Variants in CFAP144 observed in about 807,000 individuals in gnomAD.
CFAP144 encodes the protein cilia and flagella associated protein 144.
chr1:43,147,869 C>G, the CFAP144 span: 1 of 1,567,538 alleles, frequency 6.4e-7, no homozygotes, highest in Non-Finnish European at 8.6e-7. Context: ...GACCACGGGA[C>G]GCCGTTGCCT....
chr1:43,154,466 A>T, the CFAP144 span, among the ~76,000 whole-genome samples: 1 of 150,650 alleles, frequency 6.6e-6, no homozygotes, highest in African/African-American at 2.5e-5. Flanking sequence ...ACAAGGACGG[A>T]CTTGGTACAA....
At chr1:43,149,267 C>T in the CFAP144 span, among the ~76,000 whole-genome samples, 1 of 152,166 alleles carries the variant, frequency 6.6e-6, no homozygotes, top group Non-Finnish European at 1.5e-5. Flanking sequence ...TGCCATACTC[C>T]TCTCCCCCAC....
At chr1:43,152,944 C>G in the CFAP144 span, 13 of 1,606,512 alleles carry the variant, frequency 8.1e-6, no homozygotes, top group Non-Finnish European at 1.1e-5. Context: ...AAGCGTGGCT[C>G]CTTCCTCAGG....
chr1:43,144,778 C>T, the CFAP144 span, among the ~76,000 whole-genome samples: 1 of 152,154 alleles, frequency 6.6e-6, no homozygotes, highest in Non-Finnish European at 1.5e-5. Context: ...TTCCCCCGCT[C>T]CTCCTCCTAG....
the CFAP144 span, among the ~76,000 whole-genome samples, chr1:43,146,656 C>G: frequency 6.6e-6 from 1 of 152,126 alleles, no homozygotes; most frequent in Non-Finnish European, 1.5e-5. Flanking sequence ...GATAAACAAT[C>G]CAATTAAAAA....
chr1:43,152,894 C>T, the CFAP144 span: 3 of 1,613,558 alleles, frequency 1.9e-6, no homozygotes, highest in Non-Finnish European at 2.5e-6. Flanking sequence ...GAGACACAGA[C>T]TGAAAACCAG....
the CFAP144 span, chr1:43,145,062 A>G: frequency 3.4e-6 from 2 of 579,906 alleles, no homozygotes; most frequent in Admixed American, 2.9e-5. Flanking sequence ...TACTATTTCT[A>G]TTTTGTCTCC....
the CFAP144 span, among the ~76,000 whole-genome samples, chr1:43,143,057 G>A: frequency 6.6e-6 from 1 of 151,954 alleles, no homozygotes; most frequent in African/African-American, 2.4e-5. Context: ...TTGCCACCCA[G>A]CTAATAAGTA....
chr1:43,152,758 A>G, the CFAP144 span: 2 of 1,451,160 alleles, frequency 1.4e-6, no homozygotes, highest in Non-Finnish European at 1.8e-6. Context: ...ATGTGGACGC[A>G]GGAAAGGGCA....
At chr1:43,144,967 C>T in the CFAP144 span, among the ~76,000 whole-genome samples, 1 of 152,316 alleles carries the variant, frequency 6.6e-6, no homozygotes, top group African/African-American at 2.4e-5. Flanking sequence ...GGTGGACACA[C>T]GGAATGCAAG....
At chr1:43,143,341 A>G in the CFAP144 span, among the ~76,000 whole-genome samples, 5 of 152,250 alleles carry the variant, frequency 3.3e-5, no homozygotes, top group East Asian at 1.9e-4. Context: ...CTGTCCGTAA[A>G]GAAGCAGTCT....
chr1:43,148,144 G>T, the CFAP144 span: 3 of 1,566,280 alleles, frequency 1.9e-6, no homozygotes, highest in Middle Eastern at 3.5e-4. Context: ...GGAAGGAGGA[G>T]CCCTCCGGGT....
chr1:43,145,625 C>T, the CFAP144 span, among the ~76,000 whole-genome samples: 3 of 152,172 alleles, frequency 2.0e-5, no homozygotes, highest in African/African-American at 7.2e-5. Context: ...CAGATCCTGA[C>T]CAGATGATAG....
At chr1:43,146,620 T>C in the CFAP144 span, among the ~76,000 whole-genome samples, 2 of 152,176 alleles carry the variant, frequency 1.3e-5, no homozygotes, top group Non-Finnish European at 1.5e-5. Flanking sequence ...GCCCTCAAAA[T>C]AATATATTAA....
the CFAP144 span, chr1:43,148,201 C>A: frequency 3.8e-6 from 4 of 1,042,214 alleles, no homozygotes; most frequent in Admixed American, 2.8e-5. Flanking sequence ...CCCCAGCACC[C>A]GCCCCCTTTC....
At chr1:43,148,326 T>C in the CFAP144 span, among the ~76,000 whole-genome samples, 1 of 152,218 alleles carries the variant, frequency 6.6e-6, no homozygotes, top group Admixed American at 6.5e-5. Context: ...AAAAAAGTTG[T>C]AGGGCTTTTT....
the CFAP144 span, among the ~76,000 whole-genome samples, chr1:43,154,074 A>G: frequency 0.036 from 4,333 of 121,236 alleles, 209 homozygotes; most frequent in African/African-American, 0.13. Context: ...ATATATATAT[A>G]TATATATATA....
chr1:43,150,551 T>G, the CFAP144 span, among the ~76,000 whole-genome samples: 1 of 152,260 alleles, frequency 6.6e-6, no homozygotes, highest in Non-Finnish European at 1.5e-5. Context: ...ATGTGGCTGA[T>G]GACCACCATT....
the CFAP144 span, among the ~76,000 whole-genome samples, chr1:43,152,412 A>C: frequency 6.6e-6 from 1 of 152,026 alleles, no homozygotes. Context: ...TGGCAACCAG[A>C]GAGGCCTTCT....
Sources: gnomAD v4.1 joint callset for allele counts (sites outside exome capture counted in the v4.1 genomes callset) on GRCh38, gnomAD v4.1.1 for gene constraint, MANE v1.5 for transcripts, NCBI Gene and HGNC (gene_info 2026-07-23, HGNC 2026-07-21) for gene names.